Variants in SCAI observed in about 807,000 individuals in gnomAD.
The protein encoded by SCAI is suppressor of cancer cell invasion.
Under a neutral mutation model 92.2 loss-of-function variants are expected in SCAI, and 24 were observed. The ratio of observed to expected loss-of-function variants is 0.26; its 90% CI spans 0.19 to 0.37. The LOEUF (loss-of-function observed/expected upper bound fraction) is 0.37. Ranked by LOEUF, SCAI falls within the 10% of genes least tolerant of loss-of-function variation. The pLI is 1.00. For synonymous variants in SCAI, 261 were observed against 258.6 expected (o/e 1.01, Z -0.09); for missense variants, 450 against 736.2 (o/e 0.61, Z 4.50).
intron 3 of SCAI, among the ~76,000 whole-genome samples, chr9:125,038,993 G>A (rs549497300): frequency 1.8e-4 from 27 of 152,106 alleles, no homozygotes; most frequent in East Asian, 1.4e-3. Context: ...TTTTATACCC[G>A]GCCAACTGAT....
intron 3 of SCAI, among the ~76,000 whole-genome samples, chr9:125,049,684 A>G (rs1833517994): frequency 1.3e-5 from 2 of 152,240 alleles, no homozygotes; most frequent in African/African-American, 2.4e-5. Context: ...CAGCTGGGAA[A>G]ATGAAAGGCT....
chr9:124,978,941 ACCT>A (rs2131597615), intron 14 of SCAI, among the ~76,000 whole-genome samples: 1 of 152,016 alleles, frequency 6.6e-6, no homozygotes, highest in South Asian at 2.1e-4. Flanking sequence ...GCTCACTGTA[ACCT>A]CCGCTGCCCA....
intron 2 of SCAI, among the ~76,000 whole-genome samples, chr9:125,079,994 T>C (rs1431223754): frequency 6.6e-6 from 1 of 152,010 alleles, no homozygotes; most frequent in Non-Finnish European, 1.5e-5. Flanking sequence ...ATTGTCTACA[T>C]ACTACCAAAA....
chr9:124,992,871 T>A (rs1349209844), intron 14 of SCAI, among the ~76,000 whole-genome samples: 3 of 152,212 alleles, frequency 2.0e-5, no homozygotes, highest in Non-Finnish European at 4.4e-5. Context: ...CAAATACATT[T>A]CCAATTATAC....
chr9:125,110,260 A>C (rs922601314), intron 2 of SCAI, among the ~76,000 whole-genome samples: 3 of 152,228 alleles, frequency 2.0e-5, no homozygotes, highest in African/African-American at 7.2e-5. Context: ...AACAAGTGCA[A>C]ATGGAAAACC....
At chr9:124,980,602 T>G (rs1031138712) in intron 14 of SCAI, among the ~76,000 whole-genome samples, 1 of 152,210 alleles carries the variant, frequency 6.6e-6, no homozygotes, top group Non-Finnish European at 1.5e-5. Flanking sequence ...AAAACCCTGG[T>G]TGCTGAGTTC....
Position 124,971,878 on chromosome 9 carries a change from T to G in SCAI, c.1400-34A>C, listed in dbSNP as rs754923314. The G allele has an allele frequency of 5.7e-6, 8 of 1,415,726 alleles. No homozygotes were observed. In the Admixed American group the frequency reaches 1.0e-4, roughly 18 times the overall value. The allele number at this position is 1,415,726 out of a possible 1,614,324, so 87.7% of individuals were successfully genotyped here. ...ACAAACATGTTATATATATAGACAATAGTTTTGCAAAAGATAAGAGATACA... is the reference window on the plus strand; with the variant it reads ...ACAAACATGTTATATATATAGACAAGAGTTTTGCAAAAGATAAGAGATACA... On this transcript the variant is annotated intron_variant, in intron 15 of 17. Transcript: ENST00000336505.
At chr9:125,007,169 T>C (rs1032027141) in intron 9 of SCAI, among the ~76,000 whole-genome samples, 5 of 152,054 alleles carry the variant, frequency 3.3e-5, no homozygotes, top group Admixed American at 6.6e-5. Context: ...TAAATTAATA[T>C]GCAAGCAAAT....
chr9:125,044,054 C>T (rs1323012544), intron 3 of SCAI, among the ~76,000 whole-genome samples: 1 of 152,168 alleles, frequency 6.6e-6, no homozygotes, highest in African/African-American at 2.4e-5. Context: ...CAGCTCCTGG[C>T]ACCCACTCTG....
intron 2 of SCAI, among the ~76,000 whole-genome samples, chr9:125,088,867 A>C (rs1037228070): frequency 6.6e-6 from 1 of 152,152 alleles, no homozygotes; most frequent in South Asian, 2.1e-4. Flanking sequence ...TTTTGGGCCA[A>C]ATAAGTCTTT....
At chr9:125,040,563 A>G (rs1166482447) in intron 3 of SCAI, among the ~76,000 whole-genome samples, 1 of 152,150 alleles carries the variant, frequency 6.6e-6, no homozygotes, top group Non-Finnish European at 1.5e-5. Context: ...TAATGAACCA[A>G]CTTATTTAAT....
intron 2 of SCAI, among the ~76,000 whole-genome samples, chr9:125,124,751 T>C (rs536846770): frequency 5.9e-5 from 9 of 152,292 alleles, no homozygotes; most frequent in South Asian, 2.1e-4. Flanking sequence ...AGTTGACACA[T>C]AAAATGAACC....
chr9:125,143,392 C>G lies in SCAI; in HGVS notation c.46G>C (p.Ala16Pro), dbSNP rs2131282860. ...RQPQQPRSRL[A>P]PRLTGTVEKP... ...TCCACCCAGCCCCCGCACCTGGGGGCCAGGCGACTCCGCGGCTGCTGGGGC... is the reference window on the plus strand; with the variant it reads ...TCCACCCAGCCCCCGCACCTGGGGGGCAGGCGACTCCGCGGCTGCTGGGGC... Residue 16 changes from alanine to proline, a missense_variant, in exon 1 of 18, where the codon GCC becomes CCC. Ala to Pro is a conservative substitution (Grantham distance 27). Coordinates refer to ENST00000336505, the MANE Select transcript of SCAI (RefSeq NM_001144877.3). The G allele has an allele frequency of 7.2e-7, 1 of 1,389,598 alleles. No homozygotes were observed. Among genetic ancestry groups the G allele is most frequent in the Non-Finnish European group, 9.3e-7 (1 of 1,070,150 alleles). 86.1% of individuals were successfully genotyped at this position (1,389,598 alleles called of 1,614,324 possible).
chr9:125,125,909 T>TACACACAC (rs10554292), intron 2 of SCAI, among the ~76,000 whole-genome samples: 7,650 of 137,884 alleles, frequency 0.055, 279 homozygotes, highest in African/African-American at 0.092. Context: ...TGCGTACACG[T>TACACACAC]ACACACACAC....
chr9:125,120,148 A>G (rs1835130293), intron 2 of SCAI, among the ~76,000 whole-genome samples: 1 of 152,222 alleles, frequency 6.6e-6, no homozygotes, highest in Admixed American at 6.5e-5. Flanking sequence ...TAGAACATGT[A>G]AAATGAACGA....
intron 2 of SCAI, among the ~76,000 whole-genome samples, chr9:125,111,707 A>G (rs1241921055): frequency 6.6e-6 from 1 of 152,180 alleles, no homozygotes; most frequent in Non-Finnish European, 1.5e-5. Context: ...GACATTGGAC[A>G]TTAGGCAGCA....
intron 6 of SCAI, among the ~76,000 whole-genome samples, chr9:125,022,625 C>G (rs1832892619): frequency 6.6e-6 from 1 of 151,818 alleles, no homozygotes; most frequent in South Asian, 2.1e-4. Context: ...GCTACGTTTC[C>G]CAGGCTGGTC....
At chr9:125,026,668 G>A (rs749391992) in intron 6 of SCAI, 144 bp downstream of exon 6, 14 of 451,782 alleles carry the variant, frequency 3.1e-5, no homozygotes, top group Non-Finnish European at 4.7e-5. Context: ...CTATGCTTTC[G>A]AAGGTCTATT....
chr9:125,114,369 C>T (rs981981171), intron 2 of SCAI, among the ~76,000 whole-genome samples: 1 of 151,530 alleles, frequency 6.6e-6, no homozygotes, highest in Non-Finnish European at 1.5e-5. Flanking sequence ...CTAGTAATTA[C>T]AGTTATTGAA....
Sources: allele counts gnomAD v4.1 joint callset (sites outside exome capture counted in the v4.1 genomes callset), GRCh38; gene constraint gnomAD v4.1.1; transcripts MANE v1.5; gene names NCBI Gene and HGNC (gene_info 2026-07-23, HGNC 2026-07-21).